The following TRPM6 variants were observed in gnomAD, a reference collection of about 807,000 sequenced individuals.
TRPM6 encodes the protein transient receptor potential cation channel subfamily M member 6, also known as channel kinase 2.
A neutral mutation model predicts 247.6 loss-of-function variants in TRPM6; 111 were observed. That is an observed-to-expected ratio of 0.45 (90% CI 0.38 to 0.52). The LOEUF is 0.52. TRPM6 is among the 20% of genes least tolerant of loss of function. The pLI is 0.00. For synonymous variants in TRPM6, 892 were observed against 853.8 expected (o/e 1.04, Z -0.78); for missense variants, 2,126 against 2,421.5 (o/e 0.88, Z 2.56).
chr9:74,788,762 TC>T lies in TRPM6; in HGVS notation c.2539-21del, dbSNP rs779955764. ...CGCCATCTGTGAGGGGGACACACAT[TC>T]CCCAGATGTGAGTGAGAGCAAGCAT... is the stretch of plus-strand genomic sequence containing the variant. On this transcript the variant is annotated intron_variant, in intron 19 of 38. Transcript: ENST00000360774. 5.6e-6 allele frequency: 9 copies of T among 1,612,472 alleles called. No individual in the cohort carries two copies. In the Admixed American group the frequency reaches 1.5e-4, roughly 27 times the overall value.
chr9:74,737,511 T>G (rs1825732314), intron 36 of TRPM6: 4 of 956,520 alleles, frequency 4.2e-6, no homozygotes, highest in Non-Finnish European at 5.8e-6. Context: ...CATAAGATGG[T>G]TATACCCTCT....
intron 1 of TRPM6, among the ~76,000 whole-genome samples, chr9:74,876,320 G>A (rs1021665747): frequency 1.1e-4 from 17 of 152,178 alleles, no homozygotes; most frequent in Non-Finnish European, 1.6e-4. Context: ...CTGACCTCAC[G>A]TGATCCACCC....
chr9:74,821,897 C>T (rs926563235), intron 7 of TRPM6, 60 bp from the exon 8 acceptor site: 12 of 1,592,034 alleles, frequency 7.5e-6, no homozygotes, highest in East Asian at 4.5e-5. Context: ...GCCAGTCGGC[C>T]GTTTTGACTT....
chr9:74,787,754 C>T (rs1827748052), intron 20 of TRPM6, among the ~76,000 whole-genome samples: 1 of 152,188 alleles, frequency 6.6e-6, no homozygotes, highest in African/African-American at 2.4e-5. Flanking sequence ...CTCGCTCTGT[C>T]ACACAGGCTG....
intron 3 of TRPM6, among the ~76,000 whole-genome samples, chr9:74,844,590 A>T (rs908289558): frequency 3.3e-5 from 5 of 152,204 alleles, no homozygotes; most frequent in African/African-American, 1.2e-4. Context: ...TTAGGACCTT[A>T]TTCTGGATTA....
At chr9:74,734,915 G>A (rs1825642541) in intron 36 of TRPM6, among the ~76,000 whole-genome samples, 1 of 152,098 alleles carries the variant, frequency 6.6e-6, no homozygotes, top group South Asian at 2.1e-4. Flanking sequence ...CTTTCAGTGT[G>A]TGAAAATAGA....
At chr9:74,797,655 C>A (rs1181364138) in intron 17 of TRPM6, among the ~76,000 whole-genome samples, 1 of 151,796 alleles carries the variant, frequency 6.6e-6, no homozygotes, top group Admixed American at 6.6e-5. Flanking sequence ...TAGAGTGATC[C>A]CATTTTTGTT....
intron 14 of TRPM6, chr9:74,804,818 T>G (rs1210504360): frequency 3.8e-6 from 2 of 528,148 alleles, no homozygotes; most frequent in Non-Finnish European, 3.4e-6. Context: ...ATAAGCTTAA[T>G]GTAAAATAAA....
At chr9:74,727,539 G>T (rs1393071233) in intron 38 of TRPM6, among the ~76,000 whole-genome samples, 1 of 152,036 alleles carries the variant, frequency 6.6e-6, no homozygotes, top group African/African-American at 2.4e-5. Context: ...CTTAAGATAC[G>T]TGAAATCCCA....
At chr9:74,850,929 G>A (rs974761927) in intron 3 of TRPM6, among the ~76,000 whole-genome samples, 2 of 152,102 alleles carry the variant, frequency 1.3e-5, no homozygotes, top group Non-Finnish European at 2.9e-5. Flanking sequence ...TCAAACACAA[G>A]ACAAATAATG....
intron 2 of TRPM6, among the ~76,000 whole-genome samples, chr9:74,856,815 C>T (rs1286211471): frequency 1.3e-5 from 2 of 152,056 alleles, no homozygotes; most frequent in African/African-American, 2.4e-5. Context: ...GCAAAAAAGC[C>T]TCAATTCTGA....
intron 37 of TRPM6, among the ~76,000 whole-genome samples, chr9:74,729,766 C>T (rs1236470639): frequency 6.6e-6 from 1 of 152,168 alleles, no homozygotes; most frequent in African/African-American, 2.4e-5. Context: ...TTATTTTAGT[C>T]GTTTAAATTG....
At chr9:74,827,164 A>C (rs1829365896) in intron 7 of TRPM6, 1 of 153,460 alleles carries the variant, frequency 6.5e-6, no homozygotes, top group Non-Finnish European at 1.5e-5. Flanking sequence ...CCCTCAAGCT[A>C]GCCTCCTTAA....
At chr9:74,863,567 T>C (rs926796043) in intron 1 of TRPM6, among the ~76,000 whole-genome samples, 11 of 152,120 alleles carry the variant, frequency 7.2e-5, no homozygotes, top group African/African-American at 2.7e-4. Context: ...TTCACAGATG[T>C]TCCTTAATCT....
chr9:74,868,385 C>T (rs1223886328), intron 1 of TRPM6, among the ~76,000 whole-genome samples: 2 of 151,916 alleles, frequency 1.3e-5, no homozygotes, highest in Non-Finnish European at 2.9e-5. Context: ...ATCCCAGCTA[C>T]TCGGGAGGCT....
intron 17 of TRPM6, among the ~76,000 whole-genome samples, chr9:74,797,623 G>C (rs1337979719): frequency 1.3e-5 from 2 of 152,054 alleles, no homozygotes; most frequent in African/African-American, 4.8e-5. Context: ...TGGATATGAA[G>C]AGCCAACTGT....
At position 74,755,395 on chromosome 9, in the gene TRPM6, ACTC is replaced by A. The variant is rs1826400258; in HGVS notation, c.4861_4863del (p.Glu1621del). ...GACACTGTGAACCAGTTCTTGCTGT[ACTC>A]CTCTTCAGAGATGCTGTTTTCTCCT... On this transcript the variant is annotated inframe_deletion, in exon 28 of 39. Transcript: ENST00000360774. The A allele has an allele frequency of 1.2e-6, 2 of 1,613,940 alleles. No individual in the cohort carries two copies. The highest frequency in any genetic ancestry group is 2.7e-5 in the African/African-American group (2 of 74,888).
At chr9:74,820,192 T>C in intron 9 of TRPM6, 112 bp downstream of exon 9, 2 of 1,248,880 alleles carry the variant, frequency 1.6e-6, no homozygotes, top group South Asian at 2.5e-5. Context: ...CCCTGTATGT[T>C]GTTCCCCTTC....
At chr9:74,739,616 T>A in intron 34 of TRPM6, 107 bp downstream of exon 34, 9 of 1,549,352 alleles carry the variant, frequency 5.8e-6, no homozygotes, top group Non-Finnish European at 8.0e-6. Context: ...TAAAAAATAA[T>A]AGGCTCCCCT....
Sources: allele counts gnomAD v4.1 joint callset (sites outside exome capture counted in the v4.1 genomes callset), GRCh38; gene constraint gnomAD v4.1.1; transcripts MANE v1.5; gene names NCBI Gene and HGNC (gene_info 2026-07-23, HGNC 2026-07-21).